MARCHF1: variants seen among roughly 807,000 people sequenced by gnomAD.
MARCHF1 encodes membrane associated ring-CH-type finger 1, also known as E3 ubiquitin-protein ligase MARCHF1.
MARCHF1 carries 40 observed loss-of-function variants against 54.2 expected under a neutral mutation model. That is an observed-to-expected ratio of 0.74 (90% CI 0.57 to 0.96). The LOEUF is 0.96. Ranked by LOEUF, MARCHF1 falls within the 40% of genes least tolerant of loss-of-function variation. The probability of loss-of-function intolerance (pLI) is 0.00; values close to 1 mark genes in which losing one functional copy is unlikely to be tolerated. For missense variants in MARCHF1, 586 were observed against 656.5 expected, an observed-to-expected ratio of 0.89 and a Z score of 1.17; for synonymous variants, 236 against 236.3, an observed-to-expected ratio of 1.00 and a Z score of 0.01.
chr4:163,815,669 T>C (rs949132390), intron 4 of MARCHF1, among the ~76,000 whole-genome samples: 1 of 152,174 alleles, frequency 6.6e-6, no homozygotes, highest in Non-Finnish European at 1.5e-5. Context: ...AAGACCTTTT[T>C]CTTCAAAGGT....
chr4:164,351,208 C>A (rs531987036), intron 1 of MARCHF1, among the ~76,000 whole-genome samples: 70 of 150,644 alleles, frequency 4.6e-4, no homozygotes, highest in Middle Eastern at 3.4e-3. Flanking sequence ...ATTGCCCAGG[C>A]TTGCTTAGGT....
intron 4 of MARCHF1, among the ~76,000 whole-genome samples, chr4:163,717,462 T>A (rs982293939): frequency 2.6e-5 from 4 of 152,060 alleles, no homozygotes; most frequent in Admixed American, 2.0e-4. Context: ...AACAGATGTG[T>A]GTGTGTGTCT....
At chr4:164,183,764 G>C (rs565911572) in intron 1 of MARCHF1, among the ~76,000 whole-genome samples, 1 of 152,044 alleles carries the variant, frequency 6.6e-6, no homozygotes, top group South Asian at 2.1e-4. Context: ...ACCATAACCC[G>C]GATTCAAATA....
intron 4 of MARCHF1, among the ~76,000 whole-genome samples, chr4:163,810,506 A>G (rs1033039521): frequency 2.0e-5 from 3 of 152,142 alleles, no homozygotes; most frequent in African/African-American, 7.2e-5. Context: ...CTTCCTCCCT[A>G]GTCAGCAGTT....
intron 2 of MARCHF1, among the ~76,000 whole-genome samples, chr4:164,109,912 T>TAAAAAA (rs57433858): frequency 0.012 from 747 of 63,020 alleles, no homozygotes; most frequent in East Asian, 0.046. Context: ...AAAATAAAAG[T>TAAAAAA]AAAAAAAAAA....
At chr4:163,611,367 T>C (rs969039034) in intron 7 of MARCHF1, among the ~76,000 whole-genome samples, 1 of 152,074 alleles carries the variant, frequency 6.6e-6, no homozygotes, top group Non-Finnish European at 1.5e-5. Context: ...CTTCTCTGGG[T>C]CACGTAATTC....
chr4:164,165,362 G>GTCTCTCTCTCTCTCTCTCTCTC (rs55721102), intron 1 of MARCHF1, among the ~76,000 whole-genome samples: 109 of 148,750 alleles, frequency 7.3e-4, no homozygotes, highest in African/African-American at 2.0e-3. Flanking sequence ...TTTTCTCTCT[G>GTCTCTCTCTCTCTCTCTCTCTC]TCTCTCTCTC....
chr4:163,607,939 G>A (rs570097516), intron 7 of MARCHF1, among the ~76,000 whole-genome samples: 3 of 152,222 alleles, frequency 2.0e-5, no homozygotes, highest in South Asian at 4.1e-4. Context: ...AGAACTGCTG[G>A]TGTAGAGTAT....
chr4:163,759,059 ATTCT>A (rs1466676265), intron 4 of MARCHF1, among the ~76,000 whole-genome samples: 1 of 151,796 alleles, frequency 6.6e-6, no homozygotes, highest in African/African-American at 2.4e-5. Flanking sequence ...ATAAAGTTTC[ATTCT>A]TTCTATGTAT....
At chr4:164,151,882 C>T (rs1037884244) in intron 1 of MARCHF1, among the ~76,000 whole-genome samples, 2 of 152,096 alleles carry the variant, frequency 1.3e-5, no homozygotes, top group Non-Finnish European at 2.9e-5. Flanking sequence ...GCTTTCTTGA[C>T]CTTTCCAATT....
intron 4 of MARCHF1, among the ~76,000 whole-genome samples, chr4:163,715,098 G>C (rs996950526): frequency 6.6e-6 from 1 of 152,142 alleles, no homozygotes; most frequent in South Asian, 2.1e-4. Flanking sequence ...CCATTAAATG[G>C]ATTTTGGTCA....
rs575436048 is a variant in MARCHF1, at chr4:163,663,698, G to C, written c.162+37115C>G. ...CCTGGCGCGGTGCTCTCTCCAACAT[G>C]CTGTGTCCCCAGATCTCTTCTATGT... On this transcript the variant is annotated intron_variant, in intron 5 of 9. Coordinates refer to ENST00000514618, the MANE Select transcript of MARCHF1 (RefSeq NM_001394959.1). 5.9e-5 allele frequency among the ~76,000 whole-genome samples: 9 copies of C among 152,122 alleles called. No individual in the cohort carries two copies. The South Asian group carries it at 6.2e-4, about 11-fold the overall frequency.
chr4:163,972,093 C>T (rs937363390), intron 3 of MARCHF1, among the ~76,000 whole-genome samples: 1 of 152,086 alleles, frequency 6.6e-6, no homozygotes, highest in African/African-American at 2.4e-5. Context: ...CAAACTAACA[C>T]AGGAACAGAA....
intron 2 of MARCHF1, among the ~76,000 whole-genome samples, chr4:164,108,006 A>G (rs1177327369): frequency 6.6e-6 from 1 of 152,110 alleles, no homozygotes; most frequent in Admixed American, 6.6e-5. Flanking sequence ...ATGTCTTTCC[A>G]GTTATTCAGA....
At chr4:164,097,825 C>T (rs1340512896) in intron 2 of MARCHF1, among the ~76,000 whole-genome samples, 1 of 152,176 alleles carries the variant, frequency 6.6e-6, no homozygotes, top group African/African-American at 2.4e-5. Context: ...ACAAGTGAAG[C>T]AACATCCATA....
intron 5 of MARCHF1, among the ~76,000 whole-genome samples, chr4:163,656,030 A>G (rs747401247): frequency 5.3e-5 from 8 of 151,992 alleles, no homozygotes; most frequent in Non-Finnish European, 1.2e-4. Context: ...CCCCAAAGCT[A>G]GCAGAAGACA....
chr4:163,698,332 T>C lies in MARCHF1; in HGVS notation c.162+2481A>G, dbSNP rs374651334. 5.3e-5 allele frequency among the ~76,000 whole-genome samples: 8 copies of C among 152,310 alleles called. No homozygotes were observed. The South Asian group carries it at 1.7e-3, about 32-fold the overall frequency. On this transcript the variant is annotated intron_variant, in intron 5 of 9. Coordinates refer to ENST00000514618, the MANE Select transcript of MARCHF1 (RefSeq NM_001394959.1). ...ACTTCATGATTGAAAAATTATGTAG[T>C]CAATGAATAGTTTTCCACTTATCAA...
chr4:163,889,258 T>C (rs1359076672), intron 3 of MARCHF1, among the ~76,000 whole-genome samples: 1 of 152,162 alleles, frequency 6.6e-6, no homozygotes, highest in Non-Finnish European at 1.5e-5. Flanking sequence ...GACCATTTAA[T>C]CCATTAACAA....
At chr4:163,587,617 G>A (rs914411660) in intron 7 of MARCHF1, among the ~76,000 whole-genome samples, 12 of 152,252 alleles carry the variant, frequency 7.9e-5, no homozygotes, top group East Asian at 3.9e-4. Context: ...TTGTTGAAGC[G>A]GGGGAGGGTG....
Sources: gnomAD v4.1 joint callset for allele counts (sites outside exome capture counted in the v4.1 genomes callset) on GRCh38, gnomAD v4.1.1 for gene constraint, MANE v1.5 for transcripts, NCBI Gene and HGNC (gene_info 2026-07-23, HGNC 2026-07-21) for gene names.